The following PLN variants were observed in gnomAD, a reference collection of about 807,000 sequenced individuals.
The protein encoded by PLN is phospholamban.
Under a neutral mutation model 3.9 loss-of-function variants are expected in PLN, and 1 was observed. That is an observed-to-expected ratio of 0.26 (90% CI 0.09 to 1.23). The LOEUF (loss-of-function observed/expected upper bound fraction) is 1.23, where lower values mean the gene tolerates loss of function less well. PLN is among the 50% of genes most tolerant of loss of function. The pLI, the probability that PLN is intolerant of heterozygous loss-of-function variation, is 0.48. For synonymous variants in PLN, 21 were observed against 20.5 expected (o/e 1.02, Z -0.07); for missense variants, 59 against 62.7 (o/e 0.94, Z 0.20).
Position 118,558,787 on chromosome 6 carries a change from T to G in PLN, c.-97-38T>G, listed in dbSNP as rs181727742. 31 of 713,918 alleles carry G rather than the reference T, an allele frequency of 4.3e-5. No individual in the cohort carries two copies. In the African/African-American group the frequency reaches 5.1e-4, roughly 12 times the overall value. The allele number at this position is 713,918 out of a possible 1,614,324, so 44.2% of individuals were successfully genotyped here. ...TTTTTTGTTCTGAGGATAGGTTACATAGATGATTCTAATCCATTTATTATT... is the reference window on the plus strand; with the variant it reads ...TTTTTTGTTCTGAGGATAGGTTACAGAGATGATTCTAATCCATTTATTATT... On this transcript the variant is annotated intron_variant, in intron 1 of 1. Coordinates refer to ENST00000357525, the MANE Select transcript of PLN (RefSeq NM_002667.5).
At chr6:118,558,621 G>GCACACACACACACACA (rs1280397001) in intron 1 of PLN, among the ~76,000 whole-genome samples, 1 of 60,012 alleles carries the variant, frequency 1.7e-5, no homozygotes, top group African/African-American at 5.1e-5. Flanking sequence ...AGAAACACGT[G>GCACACACACACACACA]CACATACACA....
At chr6:118,556,176 T>C (rs1005505297) in intron 1 of PLN, among the ~76,000 whole-genome samples, 5 of 152,214 alleles carry the variant, frequency 3.3e-5, no homozygotes, top group African/African-American at 1.2e-4. Context: ...AGTAATGGGA[T>C]TGTTGGGTCG....
rs151112761 is a variant in PLN at position 118,558,962 on chromosome 6, G to T, written c.41G>T (p.Arg14Ile). ...VQYLTRSAIR[R>I]ASTIEMPQQA... ...TACCTCACTCGCTCAGCTATAAGAA[G>T]AGCCTCAACCATTGAAATGCCTCAA... Residue 14 changes from arginine (R) to isoleucine (I), a missense_variant, in exon 2 of 2, where the codon AGA becomes ATA. Coordinates refer to ENST00000357525, the MANE Select transcript of PLN (RefSeq NM_002667.5). The T allele has an allele frequency of 3.1e-6, 5 of 1,613,678 alleles. No homozygotes were observed. In the Admixed American group the frequency reaches 6.7e-5, roughly 22 times the overall value.
chr6:118,556,206 T>C (rs543086557), intron 1 of PLN, among the ~76,000 whole-genome samples: 5 of 152,236 alleles, frequency 3.3e-5, no homozygotes, highest in Non-Finnish European at 5.9e-5. Context: ...TCTGCTTTTA[T>C]AAGCTGCTAT....
intron 1 of PLN, among the ~76,000 whole-genome samples, chr6:118,554,040 GTCAT>G (rs1778701974): frequency 6.6e-6 from 1 of 152,110 alleles, no homozygotes; most frequent in Non-Finnish European, 1.5e-5. Context: ...GCCAGGCATG[GTCAT>G]TCACACTTGT....
At chr6:118,551,563 C>A (rs574641729) in intron 1 of PLN, among the ~76,000 whole-genome samples, 2 of 151,976 alleles carry the variant, frequency 1.3e-5, no homozygotes, top group African/African-American at 4.8e-5. Flanking sequence ...AACCTACAGA[C>A]AATATAGCAA....
intron 1 of PLN, among the ~76,000 whole-genome samples, chr6:118,551,799 T>A (rs1778562213): frequency 6.6e-6 from 1 of 152,020 alleles, no homozygotes; most frequent in Non-Finnish European, 1.5e-5. Context: ...AGCTCTGGAA[T>A]GTTGCTACCA....
At chr6:118,552,825 C>T (rs1583032075) in intron 1 of PLN, among the ~76,000 whole-genome samples, 1 of 152,052 alleles carries the variant, frequency 6.6e-6, no homozygotes, top group East Asian at 1.9e-4. Flanking sequence ...TCTGTGGATA[C>T]TTTCCTGCCT....
At chr6:118,556,941 T>C (rs771087894) in intron 1 of PLN, among the ~76,000 whole-genome samples, 8 of 152,170 alleles carry the variant, frequency 5.3e-5, no homozygotes, top group Non-Finnish European at 1.2e-4. Flanking sequence ...ATCATCAAAG[T>C]ATAGGCCCCA....
intron 1 of PLN, among the ~76,000 whole-genome samples, chr6:118,555,425 CAAAAAA>C: frequency 8.6e-6 from 1 of 116,382 alleles, no homozygotes; most frequent in African/African-American, 3.3e-5. Flanking sequence ...AAGACTGTCT[CAAAAAA>C]AAAAAAAAAA....
At chr6:118,557,780 C>G (rs550070689) in intron 1 of PLN, among the ~76,000 whole-genome samples, 15 of 152,254 alleles carry the variant, frequency 9.9e-5, no homozygotes, top group Non-Finnish European at 2.9e-5. Context: ...AAATGCATGA[C>G]AATAAACGCT....
rs1446141624 is a variant in PLN, at chr6:118,560,126, A to G, written c.*1046A>G. ...TTCTCTCTCCAAATATTAACTAATT[A>G]TTAGATTATATTTTGAAATGAACTT... On this transcript the variant is annotated 3_prime_UTR_variant, in exon 2 of 2. Transcript: ENST00000357525. 1 of 167,016 alleles carries G rather than the reference A, an allele frequency of 6.0e-6. No individual in the cohort carries two copies. The highest frequency in any genetic ancestry group is 1.5e-5 in the Non-Finnish European group (1 of 68,106). The allele number at this position is 167,016 out of a possible 1,614,324, so 10.3% of individuals were successfully genotyped here.
At chr6:118,553,215 TAAAAAA>T (rs59502810) in intron 1 of PLN, among the ~76,000 whole-genome samples, 1 of 138,936 alleles carries the variant, frequency 7.2e-6, no homozygotes, top group Non-Finnish European at 1.6e-5. Context: ...GTTAAGAAAT[TAAAAAA>T]AAAAAAAAAA....
At chr6:118,548,726 T>C (rs1778355343) in intron 1 of PLN, among the ~76,000 whole-genome samples, 1 of 152,072 alleles carries the variant, frequency 6.6e-6, no homozygotes, top group Admixed American at 6.5e-5. Flanking sequence ...CCATATTTGG[T>C]AGTAGTGGTT....
chr6:118,561,287 A>C lies in PLN; in HGVS notation c.*2207A>C, dbSNP rs967037681. On this transcript the variant is annotated 3_prime_UTR_variant, in exon 2 of 2. Transcript: ENST00000357525. ...ACAGAAAGTATCCCTAGTCTTAAAA[A>C]CAAGTGGAAAATTTGAACTGATTAG... 3.3e-5 allele frequency among the ~76,000 whole-genome samples: 5 copies of C among 152,182 alleles called. No individual in the cohort carries two copies. In the East Asian group the frequency reaches 9.6e-4, roughly 29 times the overall value.
chr6:118,553,207 TAAGAA>T (rs1778652965), intron 1 of PLN, among the ~76,000 whole-genome samples: 2 of 108,782 alleles, frequency 1.8e-5, no homozygotes, highest in Admixed American at 1.7e-4. Flanking sequence ...GCTTAGCTGT[TAAGAA>T]ATTAAAAAAA....
At chr6:118,554,835 A>G (rs1171597193) in intron 1 of PLN, among the ~76,000 whole-genome samples, 1 of 152,192 alleles carries the variant, frequency 6.6e-6, no homozygotes, top group East Asian at 1.9e-4. Context: ...AGATAGAACA[A>G]CATGTGCAAA....
At chr6:118,558,178 T>C (rs1375212081) in intron 1 of PLN, among the ~76,000 whole-genome samples, 3 of 152,172 alleles carry the variant, frequency 2.0e-5, no homozygotes, top group Non-Finnish European at 2.9e-5. Context: ...CTCAAACTCC[T>C]GACCTCAGGG....
At chr6:118,553,730 A>C (rs916261797) in intron 1 of PLN, among the ~76,000 whole-genome samples, 4 of 152,178 alleles carry the variant, frequency 2.6e-5, no homozygotes, top group Admixed American at 2.6e-4. Flanking sequence ...GATCATCTTT[A>C]AAGTATGTTA....
Sources: gnomAD v4.1 joint callset for allele counts (sites outside exome capture counted in the v4.1 genomes callset) on GRCh38, gnomAD v4.1.1 for gene constraint, MANE v1.5 for transcripts, NCBI Gene and HGNC (gene_info 2026-07-23, HGNC 2026-07-21) for gene names.